PDE6G: variants seen among roughly 807,000 people sequenced by gnomAD.
The protein encoded by PDE6G is rod cGMP 3',5'-cyclic phosphodiesterase subunit gamma.
Under a neutral mutation model 10.9 loss-of-function variants are expected in PDE6G, and 10 were observed. That is an observed-to-expected ratio of 0.91 (90% CI 0.56 to 1.55). The LOEUF is 1.55. PDE6G is among the 40% of genes most tolerant of loss of function. The probability of loss-of-function intolerance (pLI) is 0.00; values close to 1 mark genes in which losing one functional copy is unlikely to be tolerated. For synonymous variants in PDE6G, 41 were observed against 42.8 expected (o/e 0.96, Z 0.16); for missense variants, 102 against 110.1 (o/e 0.93, Z 0.33).
Position 81,651,429 on chromosome 17 carries a change from C to T in PDE6G, c.187+216G>A, listed in dbSNP as rs2036352733. Among the ~76,000 whole-genome samples the T allele has an allele frequency of 1.3e-5, 2 of 152,034 alleles. No individual in the cohort carries two copies. Among genetic ancestry groups the T allele is most frequent in the Non-Finnish European group, 1.5e-5 (1 of 67,964 alleles). Reference sequence around the variant, plus strand: ...GTTCTTTCCCAAACCCCTCCCCTCACCTGGTGCAAGTGTCCCAAATGGGGA... The same window carrying T: ...GTTCTTTCCCAAACCCCTCCCCTCATCTGGTGCAAGTGTCCCAAATGGGGA... On this transcript the variant is annotated intron_variant, in intron 3 of 3. Coordinates refer to ENST00000331056, the MANE Select transcript of PDE6G (RefSeq NM_002602.4). The surrounding 1 kb of genome is among the most constrained non-coding windows in gnomAD (Gnocchi z 4.8).
chr17:81,652,959 G>C (rs528899721), intron 2 of PDE6G, among the ~76,000 whole-genome samples: 116 of 152,052 alleles, frequency 7.6e-4, no homozygotes, highest in African/African-American at 2.5e-3. Flanking sequence ...CATCTGGAGC[G>C]GGTGACAGGA....
chr17:81,653,014 C>T lies in PDE6G; in HGVS notation c.146+146G>A, dbSNP rs2036386218. On this transcript the variant is annotated intron_variant, in intron 2 of 3. Coordinates refer to ENST00000331056, the MANE Select transcript of PDE6G (RefSeq NM_002602.4). The surrounding 1 kb of genome is among the most constrained non-coding windows in gnomAD (Gnocchi z 5.2). ...CCTCCTCCATCCCTGCTCAGGCCCT[C>T]AGGCACCGCCCTACCTTCCCCAGCT... 2.1e-6 allele frequency: 2 copies of T among 961,708 alleles called. No homozygotes were observed. Among genetic ancestry groups the T allele is most frequent in the Non-Finnish European group, 3.3e-6 (2 of 599,268 alleles). The allele number at this position is 961,708 out of a possible 1,614,324, so 59.6% of individuals were successfully genotyped here.
Position 81,662,684 on chromosome 17 carries a change from A to G in PDE6G, c.-60+375T>C, listed in dbSNP as rs186749921. ...CAGATACTTTTGGTTTATAGCTCTCACTAACTAAACAACTCATGAAAACTA... is the reference window on the plus strand; with the variant it reads ...CAGATACTTTTGGTTTATAGCTCTCGCTAACTAAACAACTCATGAAAACTA... On this transcript the variant is annotated intron_variant, in intron 1 of 3. Transcript: ENST00000571224. Among the ~76,000 whole-genome samples, 6 of 152,272 alleles carry G rather than the reference A, an allele frequency of 3.9e-5. No homozygotes were observed. In the East Asian group the frequency reaches 1.2e-3, roughly 29 times the overall value.
chr17:81,651,614 G>C lies in PDE6G; in HGVS notation c.187+31C>G. 1.9e-6 allele frequency: 3 copies of C among 1,611,882 alleles called. No individual in the cohort carries two copies. The highest frequency in any genetic ancestry group is 2.5e-6 in the Non-Finnish European group (3 of 1,178,040). On this transcript the variant is annotated intron_variant, in intron 3 of 3. Coordinates refer to ENST00000331056, the MANE Select transcript of PDE6G (RefSeq NM_002602.4). This position sits in a 1 kb window ranked among gnomAD's most constrained non-coding sequence, Gnocchi z 4.8. ...GGGTGTGCCTGGGGGGACCTGGGCAGACCTCGGGTTGGTACTGGCAGCCGT... is the reference window on the plus strand; with the variant it reads ...GGGTGTGCCTGGGGGGACCTGGGCACACCTCGGGTTGGTACTGGCAGCCGT...
chr17:81,655,434 G>A (rs1217849000), intron 1 of PDE6G, among the ~76,000 whole-genome samples: 2 of 152,232 alleles, frequency 1.3e-5, no homozygotes, highest in African/African-American at 4.8e-5. Flanking sequence ...AGGGTCACCC[G>A]CCTGGCGTGG....
chr17:81,651,549 G>T lies in PDE6G; in HGVS notation c.187+96C>A. ...GGTCCCTAAGTGAAAAGCAGGGGAG[G>T]TGGGGGCCGAGGTGGGCTGCAATGG... On this transcript the variant is annotated intron_variant, in intron 3 of 3. Transcript: ENST00000331056. The surrounding 1 kb of genome is among the most constrained non-coding windows in gnomAD (Gnocchi z 4.8). 4.5e-6 allele frequency: 5 copies of T among 1,109,782 alleles called. No individual in the cohort carries two copies. Among genetic ancestry groups the T allele is most frequent in the Non-Finnish European group, 6.9e-6 (5 of 725,210 alleles). The allele number at this position is 1,109,782 out of a possible 1,614,324, so 68.7% of individuals were successfully genotyped here.
chr17:81,658,073 G>A (rs1271662606), upstream of PDE6G, among the ~76,000 whole-genome samples: 1 of 151,562 alleles, frequency 6.6e-6, no homozygotes, highest in Non-Finnish European at 1.5e-5. Flanking sequence ...AGGTGCAGTG[G>A]CTCACTTCTT....
At chr17:81,655,498 C>T (rs1314256742) in intron 1 of PDE6G, among the ~76,000 whole-genome samples, 1 of 152,254 alleles carries the variant, frequency 6.6e-6, no homozygotes, top group African/African-American at 2.4e-5. Context: ...TGTCCCTGCA[C>T]TGCTGCACAG....
At chr17:81,656,676 G>A (rs932963354), upstream of PDE6G, 6 of 701,924 alleles carry the variant, frequency 8.5e-6, no homozygotes, top group African/African-American at 1.0e-4. Context: ...GAGAGGAGGG[G>A]CTCAGGTGCT....
rs372930742 is a variant in PDE6G, at chr17:81,656,130, T to C, written c.-60+363A>G. 1.3e-5 allele frequency among the ~76,000 whole-genome samples: 2 copies of C among 152,316 alleles called. 1 individual carries two copies. Among genetic ancestry groups the C allele is most frequent in the East Asian group, 3.9e-4 (2 of 5,178 alleles). On this transcript the variant is annotated intron_variant, in intron 1 of 3. Transcript: ENST00000331056. The stretch of plus-strand genomic sequence containing the variant: ...GGCTGTCCTGGGCAGCTCTGGGCCC[T>C]GATGGAGCTCCAACCATCAGATGCC...
upstream of PDE6G, among the ~76,000 whole-genome samples, chr17:81,658,758 T>C (rs2036480506): frequency 6.6e-6 from 1 of 151,842 alleles, no homozygotes; most frequent in South Asian, 2.1e-4. Flanking sequence ...GGAGAATCGC[T>C]TGAACCCAGG....
chr17:81,654,359 C>T (rs937818963), intron 1 of PDE6G, among the ~76,000 whole-genome samples: 5 of 150,828 alleles, frequency 3.3e-5, no homozygotes, highest in Admixed American at 1.3e-4. Flanking sequence ...GGGCGTCTCC[C>T]GGGCTGTTGC....
Position 81,651,032 on chromosome 17 carries a change from TG to T in PDE6G, c.*41del. 1 of 1,416,242 alleles carries T rather than the reference TG, an allele frequency of 7.1e-7. No individual in the cohort carries two copies. The highest frequency in any genetic ancestry group is 1.0e-6 in the Non-Finnish European group (1 of 999,860). The allele number at this position is 1,416,242 out of a possible 1,614,324, so 87.7% of individuals were successfully genotyped here. A position where few individuals can be genotyped will look rare whatever the true frequency, so the allele number is the denominator to read the frequency against. ...ATCCTGAGCAGGGTTTAGAGCACAG[TG>T]GGCAGGAGGGGGAGGGTCTGGACTT... is the stretch of plus-strand genomic sequence containing the variant. On this transcript the variant is annotated 3_prime_UTR_variant, in exon 4 of 4. Coordinates refer to ENST00000331056, the MANE Select transcript of PDE6G (RefSeq NM_002602.4). The surrounding 1 kb of genome is among the most constrained non-coding windows in gnomAD (Gnocchi z 4.8).
Position 81,650,920 on chromosome 17 carries a change from A to G in PDE6G, c.*154T>C, listed in dbSNP as rs747064355. The stretch of plus-strand genomic sequence containing the variant: ...AGGTGGTGGGCTCCTGGTGACTGGT[A>G]TTAATATGTAGGGGGAGACCTGAGG... On this transcript the variant is annotated 3_prime_UTR_variant, in exon 4 of 4. Coordinates refer to ENST00000331056, the MANE Select transcript of PDE6G (RefSeq NM_002602.4). 6 of 693,054 alleles carry G rather than the reference A, an allele frequency of 8.7e-6. No individual in the cohort carries two copies. The South Asian group carries it at 9.0e-5, about 10-fold the overall frequency. 42.9% of individuals were successfully genotyped at this position (693,054 alleles called of 1,614,324 possible).
At chr17:81,657,424 G>A (rs942029881), upstream of PDE6G, among the ~76,000 whole-genome samples, 3 of 152,186 alleles carry the variant, frequency 2.0e-5, no homozygotes, top group African/African-American at 7.2e-5. Flanking sequence ...CAAAGTTTTA[G>A]ACAAAGATTC....
Position 81,650,929 on chromosome 17 carries a change from T to C in PDE6G, c.*145A>G, listed in dbSNP as rs996637933. 478 of 711,856 alleles carry C rather than the reference T, an allele frequency of 6.7e-4. 1 individual carries two copies. Among genetic ancestry groups the C allele is most frequent in the Non-Finnish European group, 1.3e-4 (52 of 385,454 alleles). The allele number at this position is 711,856 out of a possible 1,614,324, so 44.1% of individuals were successfully genotyped here. A position where few individuals can be genotyped will look rare whatever the true frequency, so the allele number is the denominator to read the frequency against. ...GCTCCTGGTGACTGGTATTAATATG[T>C]AGGGGGAGACCTGAGGTTGCAGTCC... On this transcript the variant is annotated 3_prime_UTR_variant, in exon 4 of 4. Transcript: ENST00000331056.
intron 1 of PDE6G, among the ~76,000 whole-genome samples, chr17:81,662,745 T>A (rs191538440): frequency 7.9e-5 from 12 of 152,288 alleles, no homozygotes; most frequent in Non-Finnish European, 1.8e-4. Context: ...ATGCCTGCAA[T>A]CCCAGCACTT....
chr17:81,650,838 T>C lies in PDE6G; in HGVS notation c.*236A>G. ...TGTGGGCAGGACTGAGGGGTGGGCCTGTATCTCCAGATGTTGAGCAGGGCC... is the reference window on the plus strand; with the variant it reads ...TGTGGGCAGGACTGAGGGGTGGGCCCGTATCTCCAGATGTTGAGCAGGGCC... On this transcript the variant is annotated 3_prime_UTR_variant, in exon 4 of 4. Transcript: ENST00000331056. The C allele has an allele frequency of 1.6e-6, 1 of 613,962 alleles. No homozygotes were observed. The highest frequency in any genetic ancestry group is 3.3e-5 in the East Asian group (1 of 30,196). 38.0% of individuals were successfully genotyped at this position (613,962 alleles called of 1,614,324 possible).
chr17:81,659,151 C>CTTTTTTTTT (rs779928637), upstream of PDE6G, among the ~76,000 whole-genome samples: 1 of 114,702 alleles, frequency 8.7e-6, no homozygotes, highest in Non-Finnish European at 1.7e-5. Flanking sequence ...CAATCCATAT[C>CTTTTTTTTT]TTTTTTTTTT....
Sources: gnomAD v4.1 joint callset for allele counts (sites outside exome capture counted in the v4.1 genomes callset) on GRCh38, gnomAD v4.1.1 for gene constraint, Gnocchi (gnomAD v3.1) non-coding constraint, MANE v1.5 for transcripts, NCBI Gene and HGNC (gene_info 2026-07-23, HGNC 2026-07-21) for gene names.